The following TSHZ2 variants were observed in gnomAD, a reference collection of about 807,000 sequenced individuals.
The protein encoded by TSHZ2 is teashirt homolog 2.
Under a neutral mutation model 74.4 loss-of-function variants are expected in TSHZ2, and 21 were observed. The observed-to-expected ratio is 0.28, with a 90% CI of 0.20 to 0.41. The LOEUF is 0.41. Ranked by LOEUF, TSHZ2 falls within the 10% of genes least tolerant of loss-of-function variation. The pLI is 1.00. For missense variants in TSHZ2, 1,244 were observed against 1,293.5 expected (o/e 0.96, Z 0.59); for synonymous variants, 540 against 515.3 (o/e 1.05, Z -0.65).
intron 1 of TSHZ2, among the ~76,000 whole-genome samples, chr20:53,019,241 T>C (rs1983147740): frequency 8.1e-6 from 1 of 124,122 alleles, no homozygotes; most frequent in African/African-American, 3.3e-5. Flanking sequence ...AAGTGTTAGT[T>C]GCCTGGGTTT....
intron 1 of TSHZ2, among the ~76,000 whole-genome samples, chr20:53,140,689 T>C (rs1175766667): frequency 2.6e-5 from 4 of 152,146 alleles, no homozygotes; most frequent in African/African-American, 9.7e-5. Flanking sequence ...ATCTGTATTA[T>C]CTCATGACCC....
Position 53,254,850 on chromosome 20 carries a change from T to C in TSHZ2, c.1392T>C (p.Ser464=), listed in dbSNP as rs1265356243. ...TASTTELKKE[S]KKERPEETSK... Reference sequence around the variant, plus strand: ...CTACAACTGAGTTAAAGAAAGAGAGTAAAAAAGAAAGGCCAGAGGAAACCA... The same window carrying C: ...CTACAACTGAGTTAAAGAAAGAGAGCAAAAAAGAAAGGCCAGAGGAAACCA... Residue 464 remains serine, a synonymous_variant, in exon 2 of 3, where the codon AGT becomes AGC. Coordinates refer to ENST00000371497, the MANE Select transcript of TSHZ2 (RefSeq NM_173485.6). The C allele has an allele frequency of 6.2e-7, 1 of 1,612,884 alleles. No individual in the cohort carries two copies. The highest frequency in any genetic ancestry group is 8.5e-7 in the Non-Finnish European group (1 of 1,179,780).
At chr20:53,035,717 G>C (rs1983793604) in intron 1 of TSHZ2, among the ~76,000 whole-genome samples, 1 of 152,124 alleles carries the variant, frequency 6.6e-6, no homozygotes, top group African/African-American at 2.4e-5. Context: ...CAGTTTAATG[G>C]GGAAGACAAG....
chr20:53,105,956 A>AGG (rs2123306914), intron 1 of TSHZ2, among the ~76,000 whole-genome samples: 1 of 152,190 alleles, frequency 6.6e-6, no homozygotes, highest in East Asian at 1.9e-4. Context: ...GCCTTATTTT[A>AGG]TTTTTAATTG....
At chr20:53,483,560 TTAAAAAAC>T (rs1186492555) in intron 2 of TSHZ2, among the ~76,000 whole-genome samples, 2 of 151,680 alleles carry the variant, frequency 1.3e-5, no homozygotes, top group African/African-American at 4.8e-5. Flanking sequence ...AATTAAAAAA[TTAAAAAAC>T]AAAAAGGATC....
At chr20:53,439,182 A>G (rs1984216932) in intron 2 of TSHZ2, among the ~76,000 whole-genome samples, 1 of 152,158 alleles carries the variant, frequency 6.6e-6, no homozygotes, top group African/African-American at 2.4e-5. Context: ...TGACACTCAC[A>G]GTTATACTGT....
At chr20:53,449,327 A>T (rs1235560469) in intron 2 of TSHZ2, among the ~76,000 whole-genome samples, 1 of 152,212 alleles carries the variant, frequency 6.6e-6, no homozygotes, top group African/African-American at 2.4e-5. Context: ...AGTAAATAAA[A>T]GTTTTCAGCA....
chr20:53,050,199 A>ACACATATACATTT (rs1568736517), intron 1 of TSHZ2, among the ~76,000 whole-genome samples: 5 of 146,730 alleles, frequency 3.4e-5, no homozygotes, highest in African/African-American at 1.3e-4. Flanking sequence ...ATATATATAT[A>ACACATATACATTT]TGTATGTATA....
At chr20:53,095,770 C>A (rs939185804) in intron 1 of TSHZ2, among the ~76,000 whole-genome samples, 10 of 152,170 alleles carry the variant, frequency 6.6e-5, no homozygotes, top group African/African-American at 1.2e-4. Context: ...TCTTACCCCC[C>A]ACCCCAGTTC....
chr20:53,415,818 ACACG>A (rs1222894852), intron 2 of TSHZ2, among the ~76,000 whole-genome samples: 3,631 of 94,234 alleles, frequency 0.039, 142 homozygotes, highest in African/African-American at 0.15. Context: ...ACACACACAC[ACACG>A]CACACACAGG....
chr20:53,282,639 T>C (rs1214155046), intron 2 of TSHZ2, among the ~76,000 whole-genome samples: 1 of 152,216 alleles, frequency 6.6e-6, no homozygotes, highest in South Asian at 2.1e-4. Context: ...AGGGTGACCA[T>C]GACTGACAGG....
At chr20:53,178,085 A>T (rs1473219914) in intron 1 of TSHZ2, 2 of 152,242 alleles carry the variant, frequency 1.3e-5, no homozygotes, top group African/African-American at 2.4e-5. Context: ...GCTGTTTGAT[A>T]TGTCCTACTG....
chr20:53,368,881 T>G (rs1019183390), intron 2 of TSHZ2, among the ~76,000 whole-genome samples: 19 of 152,276 alleles, frequency 1.2e-4, no homozygotes, highest in African/African-American at 4.6e-4. Context: ...CTTATTATAG[T>G]GGGGATAGAC....
At chr20:53,193,188 G>A (rs7509327) in intron 1 of TSHZ2, among the ~76,000 whole-genome samples, 4 of 144,880 alleles carry the variant, frequency 2.8e-5, no homozygotes, top group African/African-American at 2.5e-5. Context: ...AAAGAAAAAA[G>A]AAAAAAAAAA....
intron 1 of TSHZ2, among the ~76,000 whole-genome samples, chr20:52,988,940 G>A (rs765308456): frequency 9.9e-5 from 15 of 152,040 alleles, no homozygotes; most frequent in Admixed American, 8.5e-4. Flanking sequence ...CAACGACACT[G>A]CCCTCTTATT....
chr20:53,300,261 G>T (rs888688104), intron 2 of TSHZ2, among the ~76,000 whole-genome samples: 1 of 152,200 alleles, frequency 6.6e-6, no homozygotes, highest in African/African-American at 2.4e-5. Flanking sequence ...CAAACCTTAG[G>T]ATGTATTCAA....
rs190121757 is a variant in TSHZ2 at position 53,396,292 on chromosome 20, G to A, written c.*9-90852G>A. Among the ~76,000 whole-genome samples the A allele has an allele frequency of 2.2e-4, 34 of 152,308 alleles. 1 individual carries two copies. The highest frequency in any genetic ancestry group is 6.8e-3 in the Middle Eastern group (2 of 294). On this transcript the variant is annotated intron_variant, in intron 2 of 2. Transcript: ENST00000371497. ...AATATCCAGCTCACATGTACGTATC[G>A]TGGTTCTGATGCACCAGCTGCTATT...
At chr20:53,020,485 C>G (rs771977192) in intron 1 of TSHZ2, among the ~76,000 whole-genome samples, 12 of 152,200 alleles carry the variant, frequency 7.9e-5, no homozygotes, top group African/African-American at 2.9e-4. Context: ...AAAAAACCAC[C>G]TTCGTTTCTG....
intron 2 of TSHZ2, among the ~76,000 whole-genome samples, chr20:53,270,253 T>G (rs1990807485): frequency 6.6e-6 from 1 of 152,126 alleles, no homozygotes; most frequent in Non-Finnish European, 1.5e-5. Flanking sequence ...CCTTGGTGCC[T>G]GCAAGTGTGT....
Sources: gnomAD v4.1 joint callset for allele counts (sites outside exome capture counted in the v4.1 genomes callset) on GRCh38, gnomAD v4.1.1 for gene constraint, MANE v1.5 for transcripts, NCBI Gene and HGNC (gene_info 2026-07-23, HGNC 2026-07-21) for gene names.